Variants in SMC1B observed in about 807,000 individuals in gnomAD.
SMC1B encodes structural maintenance of chromosomes 1B.
In SMC1B, 60 loss-of-function variants were observed where a neutral mutation model predicts 157.9. The ratio of observed to expected loss-of-function variants is 0.38; its 90% CI spans 0.31 to 0.47. The LOEUF (loss-of-function observed/expected upper bound fraction) is 0.47, where lower values mean the gene tolerates loss of function less well. Ranked by LOEUF, SMC1B falls within the 20% of genes least tolerant of loss-of-function variation. The pLI is 0.99. For synonymous variants in SMC1B, 445 were observed against 483.0 expected, an observed-to-expected ratio of 0.92 and a Z score of 1.03; for missense variants, 1,165 against 1,426.2, an observed-to-expected ratio of 0.82 and a Z score of 2.95.
intron 18 of SMC1B, among the ~76,000 whole-genome samples, chr22:45,359,577 C>T (rs1052129988): frequency 6.6e-6 from 1 of 152,194 alleles, no homozygotes; most frequent in African/African-American, 2.4e-5. Context: ...TTGACTCCAA[C>T]AACTTTAATT....
intron 1 of SMC1B, among the ~76,000 whole-genome samples, chr22:45,410,531 C>T (rs527283023): frequency 1.2e-4 from 18 of 151,992 alleles, no homozygotes; most frequent in Admixed American, 2.6e-4. Flanking sequence ...GGTGAAACCC[C>T]GTCTCTACTA....
At chr22:45,357,487 G>A (rs2086680976) in intron 19 of SMC1B, among the ~76,000 whole-genome samples, 1 of 152,216 alleles carries the variant, frequency 6.6e-6, no homozygotes, top group African/African-American at 2.4e-5. Flanking sequence ...ATGCCAGTGA[G>A]CAAATTTGGG....
At chr22:45,405,352 A>G (rs1345105486) in intron 4 of SMC1B, among the ~76,000 whole-genome samples, 1 of 151,954 alleles carries the variant, frequency 6.6e-6, no homozygotes, top group African/African-American at 2.4e-5. Flanking sequence ...CGAGGTCAGG[A>G]GAATGAGACC....
chr22:45,368,517 G>GTTT (rs964475686), intron 15 of SMC1B, among the ~76,000 whole-genome samples: 7 of 138,622 alleles, frequency 5.0e-5, no homozygotes, highest in South Asian at 2.3e-4. Context: ...TTCTGAAATA[G>GTTT]TTTTTTTTTT....
At chr22:45,369,840 G>A (rs1006157310) in intron 15 of SMC1B, 114 bp downstream of exon 15, 12 of 676,346 alleles carry the variant, frequency 1.8e-5, no homozygotes, top group African/African-American at 9.5e-5. Context: ...CACCGTGCCC[G>A]GCCTAGCTGT....
chr22:45,346,473 A>T (rs2086553312), intron 23 of SMC1B, among the ~76,000 whole-genome samples: 1 of 152,188 alleles, frequency 6.6e-6, no homozygotes, highest in South Asian at 2.1e-4. Flanking sequence ...CCAACAGTCT[A>T]ACAAAGGTAA....
intron 15 of SMC1B, among the ~76,000 whole-genome samples, chr22:45,365,473 G>A (rs2086766672): frequency 6.6e-6 from 1 of 152,180 alleles, no homozygotes; most frequent in Non-Finnish European, 1.5e-5. Context: ...GGAAGGCTGA[G>A]GTTGGCAGAT....
chr22:45,391,779 G>A lies in SMC1B; in HGVS notation c.1545+1855C>T, dbSNP rs541006953. 2.4e-4 allele frequency among the ~76,000 whole-genome samples: 37 copies of A among 152,280 alleles called. No individual in the cohort carries two copies. The South Asian group carries it at 6.4e-3, about 26-fold the overall frequency. ...TAAGTACCTGAATTCTCTCGTCTGA[G>A]TTTTTAATTAATATCCCATACCAAG... On this transcript the variant is annotated intron_variant, in intron 9 of 24. Coordinates refer to ENST00000357450, the MANE Select transcript of SMC1B (RefSeq NM_148674.5).
chr22:45,398,113 G>A (rs558149081), intron 6 of SMC1B, among the ~76,000 whole-genome samples: 4 of 152,294 alleles, frequency 2.6e-5, no homozygotes, highest in Admixed American at 1.3e-4. Flanking sequence ...GCCTTCGGAC[G>A]TGCATCCTTC....
chr22:45,345,406 A>G, intron 24 of SMC1B, 53 bp downstream of exon 24: 1 of 1,086,228 alleles, frequency 9.2e-7, no homozygotes, highest in Non-Finnish European at 1.4e-6. Context: ...CTGTCAGGGT[A>G]CTAAGGGAAG....
At chr22:45,413,099 C>CG (rs2087368411) in intron 1 of SMC1B, among the ~76,000 whole-genome samples, 1 of 151,874 alleles carries the variant, frequency 6.6e-6, no homozygotes, top group Non-Finnish European at 1.5e-5. Flanking sequence ...AGGGCGAGGG[C>CG]CGGAGCTGAG....
intron 12 of SMC1B, among the ~76,000 whole-genome samples, chr22:45,378,532 C>A (rs1188942505): frequency 1.3e-5 from 2 of 151,088 alleles, no homozygotes; most frequent in East Asian, 1.9e-4. Flanking sequence ...TATTATTATC[C>A]CCATTATACT....
chr22:45,392,013 T>C (rs1226611003), intron 9 of SMC1B, among the ~76,000 whole-genome samples: 5 of 152,140 alleles, frequency 3.3e-5, no homozygotes, highest in Non-Finnish European at 7.4e-5. Context: ...TGGAGCGCAG[T>C]GGTGCTCACT....
chr22:45,407,874 T>C (rs2087281630), intron 2 of SMC1B, among the ~76,000 whole-genome samples: 1 of 152,178 alleles, frequency 6.6e-6, no homozygotes, highest in South Asian at 2.1e-4. Flanking sequence ...TGGTCTCTTT[T>C]CTATCCACAC....
In SMC1B at chr22:45,386,888, G is replaced by C. The variant is rs185474418; in HGVS notation, c.1890C>G (p.Leu630=). 8.1e-6 allele frequency: 13 copies of C among 1,613,534 alleles called. No homozygotes were observed. The East Asian group carries it at 2.9e-4, about 36-fold the overall frequency. ...TTACTTTCTGTCTTTCAGGTCCACT[G>C]AGTGCAATATGCCTTGCTTCTTCCA... ...ETMEEARHIA[L]SGPERQKTVA... is the part of the protein sequence containing the mutation. Residue 630 remains leucine (L), a synonymous_variant, in exon 11 of 25, where the codon CTC becomes CTG. Transcript: ENST00000357450.
rs926536130 is a variant in SMC1B, at chr22:45,349,359, CAG to C, written c.3495+367_3495+368del. 5.4e-5 allele frequency among the ~76,000 whole-genome samples: 8 copies of C among 148,082 alleles called. No individual in the cohort carries two copies. In the East Asian group the frequency reaches 6.1e-4, roughly 11 times the overall value. ...TTTGTTTTGTTTTGTTTTTTTGAGA[CAG>C]AGTCTCACTCTGTCGCTTAGGCTGG... On this transcript the variant is annotated intron_variant, in intron 23 of 24. Transcript: ENST00000357450.
chr22:45,385,114 T>G (rs2086977221), intron 11 of SMC1B, among the ~76,000 whole-genome samples: 1 of 152,130 alleles, frequency 6.6e-6, no homozygotes, highest in Non-Finnish European at 1.5e-5. Flanking sequence ...GTGGAACAGA[T>G]AGAATAATTA....
At chr22:45,380,959 A>AC (rs1176637893) in intron 12 of SMC1B, among the ~76,000 whole-genome samples, 1 of 143,798 alleles carries the variant, frequency 7.0e-6, no homozygotes. Flanking sequence ...TAAAAGAAGT[A>AC]CTTTTTTTTT....
At chr22:45,405,950 C>T (rs1208436814) in intron 4 of SMC1B, among the ~76,000 whole-genome samples, 1 of 152,132 alleles carries the variant, frequency 6.6e-6, no homozygotes, top group Non-Finnish European at 1.5e-5. Context: ...AGTGGTAAAA[C>T]AATGTCTCTC....
Sources: gnomAD v4.1 joint callset for allele counts (sites outside exome capture counted in the v4.1 genomes callset) on GRCh38, gnomAD v4.1.1 for gene constraint, MANE v1.5 for transcripts, NCBI Gene and HGNC (gene_info 2026-07-23, HGNC 2026-07-21) for gene names.